NYAP2: variants seen among roughly 807,000 people sequenced by gnomAD.
NYAP2 encodes neuronal tyrosine-phosphorylated phosphoinositide-3-kinase adaptor 2, also known as neuronal tyrosine-phosphorylated phosphoinositide-3-kinase adapter 2.
Under a neutral mutation model 50.4 loss-of-function variants are expected in NYAP2, and 23 were observed. That is an observed-to-expected ratio of 0.46 (90% CI 0.33 to 0.65). The LOEUF (loss-of-function observed/expected upper bound fraction) is 0.65, where lower values mean the gene tolerates loss of function less well. Among genes scored for constraint, NYAP2 ranks in the 30% least tolerant of loss-of-function variants. The probability of loss-of-function intolerance (pLI) is 0.02; values close to 1 mark genes in which losing one functional copy is unlikely to be tolerated. For synonymous variants in NYAP2, 394 were observed against 365.2 expected (o/e 1.08, Z -0.90); for missense variants, 885 against 861.0 (o/e 1.03, Z -0.35).
intron 6 of NYAP2, among the ~76,000 whole-genome samples, chr2:225,627,865 TC>T (rs1693236448): frequency 6.6e-6 from 1 of 152,194 alleles, no homozygotes; most frequent in Admixed American, 6.5e-5. Context: ...CAACAAATAA[TC>T]AAGGAACCTC....
intron 3 of NYAP2, among the ~76,000 whole-genome samples, chr2:225,480,843 A>G (rs1440322460): frequency 6.6e-6 from 1 of 152,134 alleles, no homozygotes; most frequent in Non-Finnish European, 1.5e-5. Context: ...GTTTTAAAAA[A>G]TAGTTGCTAT....
intron 4 of NYAP2, among the ~76,000 whole-genome samples, chr2:225,553,184 A>G (rs1361415333): frequency 1.3e-5 from 2 of 152,232 alleles, no homozygotes; most frequent in Non-Finnish European, 2.9e-5. Context: ...CTGAAACATA[A>G]AGAAGCTGGT....
intron 3 of NYAP2, among the ~76,000 whole-genome samples, chr2:225,482,964 T>C (rs1248719077): frequency 2.0e-5 from 3 of 152,164 alleles, no homozygotes. Context: ...AGCTGGTAAA[T>C]ATTGTACTTC....
chr2:225,451,221 G>A (rs1286890636), intron 3 of NYAP2, among the ~76,000 whole-genome samples: 1 of 152,128 alleles, frequency 6.6e-6, no homozygotes, highest in African/African-American at 2.4e-5. Context: ...ACAGCTGCCA[G>A]GCACCAGGAA....
chr2:225,616,995 A>G (rs1693001455), intron 5 of NYAP2, among the ~76,000 whole-genome samples: 1 of 152,232 alleles, frequency 6.6e-6, no homozygotes, highest in African/African-American at 2.4e-5. Flanking sequence ...GATTATGCCA[A>G]TATGAAGCAA....
chr2:225,493,951 T>C (rs1234942647), intron 3 of NYAP2, among the ~76,000 whole-genome samples: 2 of 152,178 alleles, frequency 1.3e-5, no homozygotes, highest in Non-Finnish European at 2.9e-5. Flanking sequence ...CTTGAACCAC[T>C]CAAAGTAAGG....
chr2:225,558,628 A>G (rs75341044), intron 4 of NYAP2, among the ~76,000 whole-genome samples: 112 of 152,190 alleles, frequency 7.4e-4, no homozygotes, highest in African/African-American at 2.5e-3. Context: ...TAATCTCCCC[A>G]TCTCAAAGTC....
At chr2:225,544,888 C>T (rs916115668) in intron 4 of NYAP2, among the ~76,000 whole-genome samples, 1 of 152,158 alleles carries the variant, frequency 6.6e-6, no homozygotes, top group Non-Finnish European at 1.5e-5. Flanking sequence ...TGAAATCCCT[C>T]AGCTCTTGTT....
the NYAP2 span, among the ~76,000 whole-genome samples, chr2:225,681,920 A>G: frequency 6.6e-6 from 1 of 152,204 alleles, no homozygotes; most frequent in Admixed American, 6.5e-5. Context: ...ATAGGTTAGC[A>G]TATATAAGAC....
chr2:225,433,748 C>T (rs944164830), intron 3 of NYAP2, among the ~76,000 whole-genome samples: 28 of 131,304 alleles, frequency 2.1e-4, no homozygotes, highest in African/African-American at 7.9e-4. Flanking sequence ...ACCCGGGAGG[C>T]GGAGCTCGCA....
intron 6 of NYAP2, among the ~76,000 whole-genome samples, chr2:225,641,422 A>ACAC (rs1693528964): frequency 2.2e-5 from 3 of 133,652 alleles, no homozygotes; most frequent in Non-Finnish European, 4.7e-5. Context: ...CAATCCCTCA[A>ACAC]ACACACACAC....
intron 4 of NYAP2, among the ~76,000 whole-genome samples, chr2:225,523,781 T>C (rs1263480835): frequency 6.6e-6 from 1 of 151,840 alleles, no homozygotes; most frequent in Admixed American, 6.6e-5. Flanking sequence ...GGAACAAAAC[T>C]GGGGAGATCA....
intron 4 of NYAP2, among the ~76,000 whole-genome samples, chr2:225,525,020 T>C (rs183056219): frequency 1.0e-3 from 157 of 152,148 alleles, no homozygotes; most frequent in Non-Finnish European, 1.1e-3. Context: ...AAATCCAAAT[T>C]GAAACCACAG....
intron 3 of NYAP2, among the ~76,000 whole-genome samples, chr2:225,448,183 G>A (rs1689591457): frequency 6.6e-6 from 1 of 152,200 alleles, no homozygotes; most frequent in Non-Finnish European, 1.5e-5. Context: ...AATAGAGACA[G>A]AGGGCCAAGT....
intron 4 of NYAP2, among the ~76,000 whole-genome samples, chr2:225,547,991 G>C (rs1691613729): frequency 6.6e-6 from 1 of 151,930 alleles, no homozygotes; most frequent in Non-Finnish European, 1.5e-5. Flanking sequence ...ATTGAAGTTG[G>C]CCCTCATTTA....
intron 3 of NYAP2, among the ~76,000 whole-genome samples, chr2:225,511,123 T>C (rs1248061679): frequency 6.6e-6 from 1 of 151,952 alleles, no homozygotes; most frequent in Non-Finnish European, 1.5e-5. Context: ...GGATGAAAAA[T>C]AATTGAAAGC....
At chr2:225,493,178 G>T (rs923149774) in intron 3 of NYAP2, among the ~76,000 whole-genome samples, 1 of 151,924 alleles carries the variant, frequency 6.6e-6, no homozygotes. Context: ...TAAAGATAGG[G>T]GTCTTGCCAT....
chr2:225,699,461 T>TAA, the NYAP2 span: 2 of 151,930 alleles, frequency 1.3e-5, no homozygotes, highest in Non-Finnish European at 2.9e-5. Context: ...GTAGCCACCA[T>TAA]AATCACTATA....
intron 5 of NYAP2, among the ~76,000 whole-genome samples, chr2:225,619,961 C>T (rs941829189): frequency 6.6e-6 from 1 of 152,186 alleles, no homozygotes; most frequent in Non-Finnish European, 1.5e-5. Context: ...AGTCAACATT[C>T]GCTCATTCAT....
Sources: gnomAD v4.1 joint callset for allele counts (sites outside exome capture counted in the v4.1 genomes callset) on GRCh38, gnomAD v4.1.1 for gene constraint, MANE v1.5 for transcripts, NCBI Gene and HGNC (gene_info 2026-07-23, HGNC 2026-07-21) for gene names.